The following ZNF277 variants were observed in gnomAD, a reference collection of about 807,000 sequenced individuals.
The protein encoded by ZNF277 is nuclear receptor-interacting factor 4.
A neutral mutation model predicts 60.7 loss-of-function variants in ZNF277; 55 were observed. The observed-to-expected ratio is 0.91, with a 90% CI of 0.73 to 1.13. The LOEUF (loss-of-function observed/expected upper bound fraction) is 1.13, where lower values mean the gene tolerates loss of function less well. Ranked by LOEUF, ZNF277 falls within the 50% of genes most tolerant of loss-of-function variation. The pLI is 0.00. For synonymous variants in ZNF277, 178 were observed against 179.3 expected (o/e 0.99, Z 0.06); for missense variants, 510 against 523.0 (o/e 0.98, Z 0.24).
chr7:112,213,317 C>A (rs1400031314), intron 1 of ZNF277, among the ~76,000 whole-genome samples: 2 of 152,144 alleles, frequency 1.3e-5, no homozygotes, highest in African/African-American at 4.8e-5. Context: ...GTAAATTGCC[C>A]AGTCTCGGGT....
chr7:112,266,062 A>G (rs916767993), intron 1 of ZNF277, among the ~76,000 whole-genome samples: 5 of 152,214 alleles, frequency 3.3e-5, no homozygotes, highest in African/African-American at 1.2e-4. Context: ...GATAAGGACA[A>G]ATAGAAGCTG....
intron 1 of ZNF277, among the ~76,000 whole-genome samples, chr7:112,279,813 A>T (rs1411226422): frequency 6.6e-6 from 1 of 152,200 alleles, no homozygotes; most frequent in African/African-American, 2.4e-5. Context: ...TATATTTACT[A>T]CTCAAGAAGT....
intron 1 of ZNF277, among the ~76,000 whole-genome samples, chr7:112,230,541 C>A (rs964468908): frequency 1.3e-5 from 2 of 152,126 alleles, no homozygotes; most frequent in African/African-American, 4.8e-5. Flanking sequence ...TACTTATAAC[C>A]ACTTGTGAAG....
intron 1 of ZNF277, among the ~76,000 whole-genome samples, chr7:112,274,290 T>G (rs1268296123): frequency 1.3e-5 from 2 of 152,058 alleles, no homozygotes; most frequent in Non-Finnish European, 2.9e-5. Flanking sequence ...CCCAAGTAGC[T>G]GGGACCACAA....
At chr7:112,208,310 GGTT>G (rs1459483186) in intron 1 of ZNF277, among the ~76,000 whole-genome samples, 1 of 152,128 alleles carries the variant, frequency 6.6e-6, no homozygotes, top group African/African-American at 2.4e-5. Flanking sequence ...GGGAGGCGGA[GGTT>G]GTGGTGAGCC....
chr7:112,329,153 G>T (rs1021348629), intron 6 of ZNF277, among the ~76,000 whole-genome samples: 1 of 152,114 alleles, frequency 6.6e-6, no homozygotes, highest in South Asian at 2.1e-4. Context: ...AGAAATTGAT[G>T]AAAAGGTGTT....
chr7:112,291,802 C>T (rs1022674027), intron 2 of ZNF277, among the ~76,000 whole-genome samples: 1 of 152,164 alleles, frequency 6.6e-6, no homozygotes, highest in Non-Finnish European at 1.5e-5. Flanking sequence ...TTTCTTTACT[C>T]AAATTTAGAC....
chr7:112,299,066 A>G (rs1053419020), intron 4 of ZNF277, among the ~76,000 whole-genome samples: 1 of 152,168 alleles, frequency 6.6e-6, no homozygotes, highest in Non-Finnish European at 1.5e-5. Context: ...CGCCACTGGA[A>G]TTCTGATTAG....
chr7:112,257,762 T>C (rs1046118921), intron 1 of ZNF277, among the ~76,000 whole-genome samples: 2 of 152,178 alleles, frequency 1.3e-5, no homozygotes, highest in Non-Finnish European at 2.9e-5. Flanking sequence ...TCACTCCCAA[T>C]GTTATCACAA....
At chr7:112,264,746 G>T (rs891302853) in intron 1 of ZNF277, among the ~76,000 whole-genome samples, 2 of 151,368 alleles carry the variant, frequency 1.3e-5, no homozygotes, top group Non-Finnish European at 2.9e-5. Flanking sequence ...GAGTCACATG[G>T]ATTTTTTTGG....
intron 1 of ZNF277, among the ~76,000 whole-genome samples, chr7:112,270,922 T>TA (rs1791654844): frequency 6.6e-6 from 1 of 151,030 alleles, no homozygotes. Context: ...AAAAATAAAA[T>TA]AAAATACAAA....
intron 1 of ZNF277, among the ~76,000 whole-genome samples, chr7:112,221,385 G>T (rs1031154433): frequency 1.3e-5 from 2 of 152,044 alleles, no homozygotes; most frequent in African/African-American, 2.4e-5. Context: ...CCACCATCTC[G>T]GGAGCTCTGG....
chr7:112,303,342 T>C (rs1792522118), intron 4 of ZNF277, among the ~76,000 whole-genome samples: 2 of 152,140 alleles, frequency 1.3e-5, no homozygotes, highest in South Asian at 4.1e-4. Flanking sequence ...AATAATATTC[T>C]GTTTTCATTG....
At position 112,247,793 on chromosome 7, in the gene ZNF277, C is replaced by A. The variant is rs924007952; in HGVS notation, c.92-39080C>A. Among the ~76,000 whole-genome samples the A allele has an allele frequency of 9.2e-5, 14 of 151,786 alleles. No homozygotes were observed. The East Asian group carries it at 2.7e-3, about 29-fold the overall frequency. ...GACCAGCCTGGCCAATGTGGTGAGA[C>A]CCTGTCTCTACTAAAAATACAAAAA... On this transcript the variant is annotated intron_variant, in intron 1 of 11. Coordinates refer to ENST00000361822, the MANE Select transcript of ZNF277 (RefSeq NM_021994.3).
At chr7:112,324,904 C>A (rs1793062355) in intron 5 of ZNF277, among the ~76,000 whole-genome samples, 1 of 152,060 alleles carries the variant, frequency 6.6e-6, no homozygotes, top group Non-Finnish European at 1.5e-5. Flanking sequence ...AACTTGAATA[C>A]CTAGGGACAA....
chr7:112,271,711 T>A (rs1791672083), intron 1 of ZNF277, among the ~76,000 whole-genome samples: 1 of 152,204 alleles, frequency 6.6e-6, no homozygotes, highest in South Asian at 2.1e-4. Context: ...ATTTAGTATC[T>A]TACTTGCTAG....
At chr7:112,286,768 T>C in intron 1 of ZNF277, 105 bp from the exon 2 acceptor site, 1 of 937,036 alleles carries the variant, frequency 1.1e-6, no homozygotes, top group Non-Finnish European at 1.6e-6. Context: ...CATGTAAATA[T>C]CTTTAGGATC....
At chr7:112,312,130 A>G (rs1792745751) in intron 4 of ZNF277, among the ~76,000 whole-genome samples, 1 of 152,114 alleles carries the variant, frequency 6.6e-6, no homozygotes, top group Admixed American at 6.6e-5. Flanking sequence ...CTGGTAGACT[A>G]CATTTTGAGT....
chr7:112,251,547 T>C lies in ZNF277; in HGVS notation c.92-35326T>C, dbSNP rs1791200129. 2.0e-5 allele frequency among the ~76,000 whole-genome samples: 3 copies of C among 152,346 alleles called. No individual in the cohort carries two copies. The South Asian group carries it at 6.2e-4, about 32-fold the overall frequency. ...TCTCATAAATTACACTGGAAGCTCC[T>C]TGAAATTAGTTATCTTTCTTTTCCC... is the stretch of plus-strand genomic sequence containing the variant. On this transcript the variant is annotated intron_variant, in intron 1 of 11. Coordinates refer to ENST00000361822, the MANE Select transcript of ZNF277 (RefSeq NM_021994.3).
Sources: allele counts gnomAD v4.1 joint callset (sites outside exome capture counted in the v4.1 genomes callset), GRCh38; gene constraint gnomAD v4.1.1; transcripts MANE v1.5; gene names NCBI Gene and HGNC (gene_info 2026-07-23, HGNC 2026-07-21).